SMYD3: variants seen among roughly 807,000 people sequenced by gnomAD.
The protein encoded by SMYD3 is histone-lysine N-methyltransferase SMYD3.
Under a neutral mutation model 57.7 loss-of-function variants are expected in SMYD3, and 36 were observed. The observed-to-expected ratio is 0.62, with a 90% CI of 0.48 to 0.82. SMYD3 has a LOEUF of 0.82. Among genes scored for constraint, SMYD3 ranks in the 40% least tolerant of loss-of-function variants. SMYD3 has a pLI of 0.00. For synonymous variants in SMYD3, 211 were observed against 195.0 expected, an observed-to-expected ratio of 1.08 and a Z score of -0.68; for missense variants, 515 against 538.8, an observed-to-expected ratio of 0.96 and a Z score of 0.44.
chr1:245,934,505 G>A (rs1427091333), intron 5 of SMYD3, among the ~76,000 whole-genome samples: 1 of 152,020 alleles, frequency 6.6e-6, no homozygotes, highest in Non-Finnish European at 1.5e-5. Flanking sequence ...CTCCTTATCT[G>A]TATGGCAAAT....
chr1:246,290,515 T>C lies in SMYD3; in HGVS notation c.531+36686A>G, dbSNP rs181443427. Reference sequence around the variant, plus strand: ...TCCTTGTCTAACCTTGAAATTGGCCTGTAACTTCAAGGCTTAACTTTCGAG... The same window carrying C: ...TCCTTGTCTAACCTTGAAATTGGCCCGTAACTTCAAGGCTTAACTTTCGAG... On this transcript the variant is annotated intron_variant, in intron 5 of 11. Transcript: ENST00000490107. Among the ~76,000 whole-genome samples, 27 of 152,354 alleles carry C rather than the reference T, an allele frequency of 1.8e-4. No individual in the cohort carries two copies. The East Asian group carries it at 3.3e-3, about 18-fold the overall frequency.
intron 1 of SMYD3, among the ~76,000 whole-genome samples, chr1:246,461,777 A>C (rs1463721494): frequency 2.0e-5 from 3 of 151,770 alleles, no homozygotes; most frequent in African/African-American, 7.3e-5. Flanking sequence ...ATGTATTCGC[A>C]AACTTTGTTT....
At chr1:246,032,180 G>C (rs923314212) in intron 5 of SMYD3, among the ~76,000 whole-genome samples, 2 of 152,132 alleles carry the variant, frequency 1.3e-5, no homozygotes, top group African/African-American at 4.8e-5. Context: ...TGTTGGGCAG[G>C]CAAACTGAGT....
chr1:246,123,427 CATG>C (rs540311127), intron 5 of SMYD3, among the ~76,000 whole-genome samples: 2 of 152,180 alleles, frequency 1.3e-5, no homozygotes, highest in African/African-American at 4.8e-5. Flanking sequence ...ATTAGCTGGG[CATG>C]GTGGTGGGCA....
intron 5 of SMYD3, among the ~76,000 whole-genome samples, chr1:246,078,242 T>C (rs1261524699): frequency 1.3e-5 from 2 of 151,746 alleles, no homozygotes; most frequent in Non-Finnish European, 2.9e-5. Flanking sequence ...TTATGGGAGG[T>C]CATTGATTTG....
At chr1:246,460,166 A>C (rs1371192103) in intron 1 of SMYD3, among the ~76,000 whole-genome samples, 3 of 152,258 alleles carry the variant, frequency 2.0e-5, no homozygotes, top group African/African-American at 7.2e-5. Context: ...TAAGTACCAC[A>C]GTGCTTTACC....
At chr1:246,156,986 C>G (rs944004328) in intron 5 of SMYD3, among the ~76,000 whole-genome samples, 2 of 151,684 alleles carry the variant, frequency 1.3e-5, no homozygotes, top group Admixed American at 6.5e-5. Context: ...GAAAGGGATG[C>G]TAGGAGGTAC....
intron 5 of SMYD3, among the ~76,000 whole-genome samples, chr1:246,253,890 GT>G (rs2063835609): frequency 6.6e-6 from 1 of 152,144 alleles, no homozygotes; most frequent in Non-Finnish European, 1.5e-5. Context: ...GGATCGAATG[GT>G]AGTTCTGCTT....
intron 5 of SMYD3, among the ~76,000 whole-genome samples, chr1:246,167,722 G>A (rs1166454924): frequency 6.6e-6 from 1 of 152,072 alleles, no homozygotes; most frequent in Non-Finnish European, 1.5e-5. Context: ...CGTTGGCCAG[G>A]CTGGTCTCAA....
At chr1:246,128,089 G>A (rs73141549) in intron 5 of SMYD3, among the ~76,000 whole-genome samples, 11,787 of 152,074 alleles carry the variant, frequency 0.078, 899 homozygotes, top group South Asian at 0.18. Context: ...GCAAAGCCCT[G>A]TTTGGTAGAA....
intron 5 of SMYD3, among the ~76,000 whole-genome samples, chr1:246,100,870 T>C (rs1180124221): frequency 6.6e-6 from 1 of 152,012 alleles, no homozygotes; most frequent in East Asian, 1.9e-4. Context: ...GAGGAGGATA[T>C]TATCATGGAG....
chr1:246,473,575 A>T (rs1293093353), intron 1 of SMYD3, among the ~76,000 whole-genome samples: 2 of 152,210 alleles, frequency 1.3e-5, no homozygotes, highest in East Asian at 3.8e-4. Context: ...GGTTTCAAAA[A>T]CACTTTTTAA....
At chr1:246,141,846 G>A (rs539802715) in intron 5 of SMYD3, among the ~76,000 whole-genome samples, 2 of 152,266 alleles carry the variant, frequency 1.3e-5, no homozygotes, top group Admixed American at 6.5e-5. Flanking sequence ...AAGCAGAGTC[G>A]AGCTGGAAGC....
chr1:246,383,745 T>C (rs2066426759), intron 1 of SMYD3, among the ~76,000 whole-genome samples: 2 of 152,178 alleles, frequency 1.3e-5, no homozygotes, highest in South Asian at 4.1e-4. Context: ...GTTGATCACT[T>C]GAGGTCAAGA....
chr1:245,986,966 T>C (rs56659807), intron 5 of SMYD3, among the ~76,000 whole-genome samples: 28,407 of 152,252 alleles, frequency 0.19, 3,894 homozygotes, highest in African/African-American at 0.38. Context: ...TCAATGTACA[T>C]GTTGTGGAAC....
At chr1:245,929,400 T>C (rs910487824) in intron 6 of SMYD3, among the ~76,000 whole-genome samples, 2 of 152,198 alleles carry the variant, frequency 1.3e-5, no homozygotes, top group Non-Finnish European at 2.9e-5. Context: ...AGCTCAGCAA[T>C]AGCTGGAGAG....
chr1:245,854,754 C>T lies in SMYD3; in HGVS notation c.1076+3742G>A, dbSNP rs185342711. Among the ~76,000 whole-genome samples the T allele has an allele frequency of 3.2e-3, 484 of 152,090 alleles. 1 individual carries two copies. Among genetic ancestry groups the T allele is most frequent in the African/African-American group, 1.0e-2 (413 of 41,474 alleles). ...CCCCCAGCAAGACAAGCAGGAAAAA[C>T]GCAGAAGTGCAGGAGAAAGTGGAAG... On this transcript the variant is annotated intron_variant, in intron 10 of 11. Coordinates refer to ENST00000490107, the MANE Select transcript of SMYD3 (RefSeq NM_001167740.2).
chr1:246,316,478 G>A (rs191976767), intron 5 of SMYD3, among the ~76,000 whole-genome samples: 131 of 149,834 alleles, frequency 8.7e-4, no homozygotes, highest in African/African-American at 3.1e-3. Context: ...TCATGCCTCA[G>A]CATTCTGAGT....
chr1:245,894,702 T>C (rs2053639170), intron 8 of SMYD3, among the ~76,000 whole-genome samples: 1 of 152,196 alleles, frequency 6.6e-6, no homozygotes, highest in African/African-American at 2.4e-5. Flanking sequence ...TGAACACTAC[T>C]GCGTACCTGT....
Sources: gnomAD v4.1 joint callset for allele counts (sites outside exome capture counted in the v4.1 genomes callset) on GRCh38, gnomAD v4.1.1 for gene constraint, MANE v1.5 for transcripts, NCBI Gene and HGNC (gene_info 2026-07-23, HGNC 2026-07-21) for gene names.